The following PCDHA13 variants were observed in gnomAD, a reference collection of about 807,000 sequenced individuals.
PCDHA13 encodes the protein protocadherin alpha 13, also known as protocadherin alpha-13.
In PCDHA13, 54 loss-of-function variants were observed where a neutral mutation model predicts 64.8. That is an observed-to-expected ratio of 0.83 (90% CI 0.67 to 1.04). The LOEUF (loss-of-function observed/expected upper bound fraction) is 1.04, where lower values mean the gene tolerates loss of function less well. Among genes scored for constraint, PCDHA13 ranks in the 50% least tolerant of loss-of-function variants. The pLI is 0.00. For synonymous variants in PCDHA13, 587 were observed against 564.4 expected (o/e 1.04, Z -0.57); for missense variants, 1,248 against 1,254.3 (o/e 0.99, Z 0.08).
At chr5:140,968,626 T>C in intron 1 of PCDHA13, 1 of 1,614,156 alleles carries the variant, frequency 6.2e-7, no homozygotes. Context: ...ATGCTTGGCT[T>C]TTTTACCATC....
At chr5:140,957,252 A>C (rs557518275) in intron 1 of PCDHA13, among the ~76,000 whole-genome samples, 80 of 152,330 alleles carry the variant, frequency 5.3e-4, no homozygotes, top group African/African-American at 1.9e-3. Context: ...CCTAAAATTT[A>C]AATATGTAAG....
At chr5:140,989,928 A>T (rs2097366853) in intron 3 of PCDHA13, among the ~76,000 whole-genome samples, 1 of 152,032 alleles carries the variant, frequency 6.6e-6, no homozygotes, top group African/African-American at 2.4e-5. Context: ...GCAGAGATAG[A>T]TGACATTCCA....
chr5:140,898,764 T>A (rs2066960471), intron 1 of PCDHA13, among the ~76,000 whole-genome samples: 1 of 152,192 alleles, frequency 6.6e-6, no homozygotes, highest in Non-Finnish European at 1.5e-5. Context: ...GCATTGAATC[T>A]GTAAATTACC....
intron 1 of PCDHA13, among the ~76,000 whole-genome samples, chr5:140,941,561 C>T (rs782382112): frequency 2.1e-4 from 32 of 151,880 alleles, no homozygotes; most frequent in Middle Eastern, 3.2e-3. Context: ...GTGATCCATT[C>T]GCCTCAGCCT....
intron 1 of PCDHA13, chr5:140,967,384 G>A (rs1422023127): frequency 2.5e-6 from 4 of 1,609,080 alleles, no homozygotes; most frequent in Non-Finnish European, 3.4e-6. Flanking sequence ...ACAGTAAAGT[G>A]CTTGAGCTGG....
Position 141,004,229 on chromosome 5 carries a change from T to G in PCDHA13, c.2543-5398T>G, listed in dbSNP as rs368330742. On this transcript the variant is annotated intron_variant, in intron 3 of 3. Transcript: ENST00000289272. ...AGATTAGGAGGTCAGTCAGTGTTTG[T>G]CAGATCCTTAAGCTTTTGTTTTACT... Among the ~76,000 whole-genome samples, 5 of 152,250 alleles carry G rather than the reference T, an allele frequency of 3.3e-5. No individual in the cohort carries two copies. The East Asian group carries it at 7.7e-4, about 23-fold the overall frequency.
At chr5:140,922,373 C>A (rs1337198160) in intron 1 of PCDHA13, among the ~76,000 whole-genome samples, 1 of 152,158 alleles carries the variant, frequency 6.6e-6, no homozygotes, top group African/African-American at 2.4e-5. Context: ...CACTGAGATG[C>A]AAAACCAAAG....
intron 1 of PCDHA13, among the ~76,000 whole-genome samples, chr5:140,965,125 C>A (rs571083058): frequency 6.6e-6 from 1 of 152,308 alleles, no homozygotes; most frequent in Non-Finnish European, 1.5e-5. Context: ...GGAAGATCTA[C>A]AGATGACAGA....
At chr5:140,902,125 A>G (rs530625414) in intron 1 of PCDHA13, among the ~76,000 whole-genome samples, 27 of 150,728 alleles carry the variant, frequency 1.8e-4, no homozygotes, top group African/African-American at 6.1e-4. Context: ...CTGAGATTAT[A>G]TCATCTGCAA....
rs75040653 is a variant in PCDHA13 at position 140,982,339 on chromosome 5, T to G, written c.2454-136T>G. ...TGCAGGGTGACTGCTCAGCAGTAAT[T>G]GCTTCAGTTCAAGCATGAGCAGAAT... On this transcript the variant is annotated intron_variant, in intron 2 of 3. Transcript: ENST00000289272. The G allele has an allele frequency of 3.1e-3, 4,547 of 1,456,350 alleles. 58 individuals carry two copies. The East Asian group carries it at 0.042, about 14-fold the overall frequency. The allele number at this position is 1,456,350 out of a possible 1,614,324, so 90.2% of individuals were successfully genotyped here.
At chr5:140,969,149 G>T (rs782510891) in intron 1 of PCDHA13, 9 of 1,614,120 alleles carry the variant, frequency 5.6e-6, no homozygotes, top group Admixed American at 1.7e-5. Context: ...CTGCTACAAG[G>T]CCTGTCTGAC....
chr5:140,926,889 G>A, intron 1 of PCDHA13: 1 of 1,545,026 alleles, frequency 6.5e-7, no homozygotes, highest in Non-Finnish European at 8.7e-7. Context: ...CGCCTAGAGG[G>A]AGGATGGTGG....
At chr5:140,984,581 C>G (rs141574202) in intron 3 of PCDHA13, among the ~76,000 whole-genome samples, 5 of 152,158 alleles carry the variant, frequency 3.3e-5, no homozygotes, top group African/African-American at 1.2e-4. Context: ...GCAACCTAAT[C>G]ATACTTTTCA....
chr5:140,884,253 C>T lies in PCDHA13; in HGVS notation c.1985C>T (p.Thr662Met), dbSNP rs1356283866. The change falls in exon 1 of 4, where the codon ACG (threonine) becomes ATG (methionine). Residue 662 changes from threonine to methionine, a missense_variant. Coordinates refer to ENST00000289272, the MANE Select transcript of PCDHA13 (RefSeq NM_018904.3). ...KDHGEPALTA[T>M]ATVLLSLVES... is the part of the protein sequence containing the mutation. ...CACGGTGAGCCCGCGCTGACGGCCA[C>T]GGCAACGGTGCTGTTGTCGCTGGTG... 6.2e-7 allele frequency: 1 copy of T among 1,613,418 alleles called. No homozygotes were observed. The highest frequency in any genetic ancestry group is 2.2e-5 in the East Asian group (1 of 44,858).
At chr5:141,001,265 T>C (rs71583613) in intron 3 of PCDHA13, among the ~76,000 whole-genome samples, 24 of 152,168 alleles carry the variant, frequency 1.6e-4, no homozygotes, top group Admixed American at 7.2e-4. Flanking sequence ...GGCACTCTTA[T>C]GAACTTTTTT....
chr5:140,961,965 C>T (rs1292120191), intron 1 of PCDHA13, among the ~76,000 whole-genome samples: 9 of 151,536 alleles, frequency 5.9e-5, no homozygotes, highest in Non-Finnish European at 8.8e-5. Context: ...CTCACTGCAA[C>T]CTCCGCCTCC....
chr5:140,997,087 T>C (rs1218654416), intron 3 of PCDHA13, among the ~76,000 whole-genome samples: 4 of 152,156 alleles, frequency 2.6e-5, no homozygotes, highest in Non-Finnish European at 5.9e-5. Flanking sequence ...GAGTAGAAAG[T>C]GCAGAGTTCT....
rs1175289327 is a variant in PCDHA13 at position 140,945,113 on chromosome 5, T to TA, written c.2395-33830dup. ...TAATAAACAAAATAAAGTTGAAAGA[T>TA]AAAAAATCAACTTACAAAAATCAAT... On this transcript the variant is annotated intron_variant, in intron 1 of 3. Coordinates refer to ENST00000289272, the MANE Select transcript of PCDHA13 (RefSeq NM_018904.3). Among the ~76,000 whole-genome samples, 7 of 152,200 alleles carry TA rather than the reference T, an allele frequency of 4.6e-5. No individual in the cohort carries two copies. In the East Asian group the frequency reaches 1.2e-3, roughly 25 times the overall value.
intron 1 of PCDHA13, among the ~76,000 whole-genome samples, chr5:140,960,655 T>C (rs2153725891): frequency 6.6e-6 from 1 of 152,296 alleles, no homozygotes; most frequent in East Asian, 1.9e-4. Context: ...TCCAAATCAA[T>C]GAATGCTTTG....
Sources: allele counts gnomAD v4.1 joint callset (sites outside exome capture counted in the v4.1 genomes callset), GRCh38; gene constraint gnomAD v4.1.1; transcripts MANE v1.5; gene names NCBI Gene and HGNC (gene_info 2026-07-23, HGNC 2026-07-21).